The following ST7 variants were observed in gnomAD, a reference collection of about 807,000 sequenced individuals.
ST7 encodes the protein suppressor of tumorigenicity 7 protein.
A neutral mutation model predicts 78.7 loss-of-function variants in ST7; 28 were observed. That is an observed-to-expected ratio of 0.36 (90% CI 0.26 to 0.49). The LOEUF (loss-of-function observed/expected upper bound fraction) is 0.49, where lower values mean the gene tolerates loss of function less well. Among genes scored for constraint, ST7 ranks in the 20% least tolerant of loss-of-function variants. The probability of loss-of-function intolerance (pLI) is 0.99; values close to 1 mark genes in which losing one functional copy is unlikely to be tolerated. For missense variants in ST7, 418 were observed against 696.0 expected (o/e 0.60, Z 4.49); for synonymous variants, 247 against 249.6 (o/e 0.99, Z 0.10).
At chr7:117,046,173 G>C (rs1186924195) in intron 1 of ST7, among the ~76,000 whole-genome samples, 1 of 151,110 alleles carries the variant, frequency 6.6e-6, no homozygotes, top group Non-Finnish European at 1.5e-5. Flanking sequence ...GTTTTTTTTT[G>C]ACTGTGTCAT....
intron 12 of ST7, among the ~76,000 whole-genome samples, chr7:117,200,259 G>A (rs917670234): frequency 2.0e-5 from 3 of 152,144 alleles, no homozygotes; most frequent in Admixed American, 6.5e-5. Context: ...AAGTCTGGTA[G>A]CCCAGCAACC....
intron 1 of ST7, among the ~76,000 whole-genome samples, chr7:117,029,145 A>C (rs1796346926): frequency 6.6e-6 from 1 of 152,156 alleles, no homozygotes; most frequent in Admixed American, 6.6e-5. Flanking sequence ...GTAAATACCT[A>C]GGCATGCCAT....
intron 5 of ST7, among the ~76,000 whole-genome samples, chr7:117,131,440 C>A (rs918284330): frequency 6.6e-6 from 1 of 151,652 alleles, no homozygotes; most frequent in Non-Finnish European, 1.5e-5. Context: ...TTTTACTGAC[C>A]CACGCATAAT....
chr7:117,204,566 T>A lies in ST7; in HGVS notation c.1255-5221T>A, dbSNP rs561288944. Among the ~76,000 whole-genome samples the A allele has an allele frequency of 2.2e-3, 333 of 152,320 alleles. 1 individual carries two copies. Among genetic ancestry groups the A allele is most frequent in the Admixed American group, 6.9e-3 (106 of 15,300 alleles). ...ATGATCTGAGTGAGCCATGGCTACT[T>A]GCAGTGTTTTTTTTGTCCTGTGCCT... On this transcript the variant is annotated intron_variant, in intron 12 of 15. Coordinates refer to ENST00000323984, the MANE Select transcript of ST7 (RefSeq NM_001369598.1).
chr7:117,027,834 A>G (rs187814339), intron 1 of ST7, among the ~76,000 whole-genome samples: 1 of 152,368 alleles, frequency 6.6e-6, no homozygotes, highest in Non-Finnish European at 1.5e-5. Context: ...TGAAATTCCT[A>G]TCAGTTGACA....
intron 1 of ST7, among the ~76,000 whole-genome samples, chr7:117,067,179 T>A (rs1798683860): frequency 6.6e-6 from 1 of 152,114 alleles, no homozygotes; most frequent in African/African-American, 2.4e-5. Context: ...TTTTTGGGCT[T>A]ATGAACGATA....
At chr7:117,160,232 C>CAAA (rs572498971) in intron 9 of ST7, among the ~76,000 whole-genome samples, 1 of 113,740 alleles carries the variant, frequency 8.8e-6, no homozygotes, top group African/African-American at 3.1e-5. Flanking sequence ...AACTGTGTCT[C>CAAA]AAAAAAAAAA....
intron 12 of ST7, among the ~76,000 whole-genome samples, chr7:117,204,891 G>T (rs189037882): frequency 5.4e-4 from 82 of 152,242 alleles, no homozygotes; most frequent in African/African-American, 1.9e-3. Context: ...TACATATAGA[G>T]AGAGAGAAAA....
intron 1 of ST7, among the ~76,000 whole-genome samples, chr7:117,096,533 T>C (rs1377641956): frequency 1.3e-5 from 2 of 152,258 alleles, no homozygotes; most frequent in African/African-American, 4.8e-5. Context: ...TTCAGTAATA[T>C]TCCCGTGTGT....
chr7:117,118,268 A>G (rs932616013), intron 2 of ST7: 1 of 152,504 alleles, frequency 6.6e-6, no homozygotes, highest in Non-Finnish European at 1.5e-5. Flanking sequence ...CCAAAATCTG[A>G]AAATATTCAA....
At chr7:117,097,908 A>ATATATATATATATATATATTTT in intron 1 of ST7, among the ~76,000 whole-genome samples, 2 of 30,010 alleles carry the variant, frequency 6.7e-5, no homozygotes, top group African/African-American at 1.6e-4. Context: ...ATATATATAT[A>ATATATATATATATATATATTTT]TTTTTTTTTT....
chr7:117,168,573 T>C (rs1807740199), intron 9 of ST7, among the ~76,000 whole-genome samples: 1 of 152,182 alleles, frequency 6.6e-6, no homozygotes, highest in Non-Finnish European at 1.5e-5. Flanking sequence ...AATACTTTTA[T>C]TGGTTACAGA....
At chr7:117,209,244 C>T (rs1171662608) in intron 12 of ST7, among the ~76,000 whole-genome samples, 1 of 152,114 alleles carries the variant, frequency 6.6e-6, no homozygotes. Flanking sequence ...ATAATGCTCC[C>T]CTCCCTTGGG....
At chr7:117,127,993 G>A (rs1001533001) in intron 3 of ST7, among the ~76,000 whole-genome samples, 2 of 151,826 alleles carry the variant, frequency 1.3e-5, no homozygotes, top group East Asian at 1.9e-4. Context: ...GTATGATGAT[G>A]TATTTGTTGG....
At chr7:117,096,329 C>T (rs565850380) in intron 1 of ST7, among the ~76,000 whole-genome samples, 1 of 152,286 alleles carries the variant, frequency 6.6e-6, no homozygotes, top group Non-Finnish European at 1.5e-5. Flanking sequence ...CTCAGGGTGG[C>T]TTTCTGCCTT....
intron 2 of ST7, among the ~76,000 whole-genome samples, chr7:117,101,581 T>C (rs1460089278): frequency 6.6e-6 from 1 of 152,192 alleles, no homozygotes; most frequent in African/African-American, 2.4e-5. Context: ...AAAGGTATTA[T>C]GTGTAGAGTT....
chr7:117,148,259 G>A (rs1805967479), intron 9 of ST7, among the ~76,000 whole-genome samples: 1 of 152,024 alleles, frequency 6.6e-6, no homozygotes, highest in Non-Finnish European at 1.5e-5. Flanking sequence ...GTTATTATGA[G>A]TATATAATGT....
intron 1 of ST7, among the ~76,000 whole-genome samples, chr7:117,015,427 C>G (rs1016210659): frequency 6.6e-6 from 1 of 152,186 alleles, no homozygotes; most frequent in African/African-American, 2.4e-5. Context: ...GTGTATTGCT[C>G]TTTTAGATGG....
chr7:117,226,718 G>T (rs182888248), intron 15 of ST7, among the ~76,000 whole-genome samples: 1 of 152,188 alleles, frequency 6.6e-6, no homozygotes, highest in Non-Finnish European at 1.5e-5. Context: ...GGGATGGAAG[G>T]CTTGCTGTGG....
Sources: allele counts gnomAD v4.1 joint callset (sites outside exome capture counted in the v4.1 genomes callset), GRCh38; gene constraint gnomAD v4.1.1; transcripts MANE v1.5; gene names NCBI Gene and HGNC (gene_info 2026-07-23, HGNC 2026-07-21).